Variants in CARD14 observed in about 807,000 individuals in gnomAD.
CARD14 encodes the protein caspase recruitment domain family member 14, also known as caspase recruitment domain-containing protein 14.
Under a neutral mutation model 111.5 loss-of-function variants are expected in CARD14, and 107 were observed. The ratio of observed to expected loss-of-function variants is 0.96; its 90% CI spans 0.82 to 1.13. CARD14 has a LOEUF of 1.13. Among genes scored for constraint, CARD14 ranks in the 50% most tolerant of loss-of-function variants. CARD14 has a pLI of 0.00. For missense variants in CARD14, 1,322 were observed against 1,362.3 expected, an observed-to-expected ratio of 0.97 and a Z score of 0.47; for synonymous variants, 617 against 579.6, an observed-to-expected ratio of 1.06 and a Z score of -0.93.
intron 23 of CARD14, 79 bp downstream of exon 23, chr17:80,207,164 G>C: frequency 9.9e-7 from 1 of 1,007,844 alleles, no homozygotes; most frequent in East Asian, 2.5e-5. Context: ...GGTGCCTCTG[G>C]AGTGTGCTCT....
At chr17:80,172,752 C>T (rs1280207772) in intron 1 of CARD14, among the ~76,000 whole-genome samples, 154 bp from the exon 2 acceptor site, 3 of 152,110 alleles carry the variant, frequency 2.0e-5, no homozygotes, top group Non-Finnish European at 4.4e-5. Flanking sequence ...TGTTCTGTGG[C>T]GAACACTTCT....
In CARD14 at chr17:80,182,413, G is replaced by A. The variant is rs573756624; in HGVS notation, c.212-240G>A. On this transcript the variant is annotated intron_variant, in intron 5 of 23. Transcript: ENST00000648509. This position sits in a 1 kb window ranked among gnomAD's most constrained non-coding sequence, Gnocchi z 4.7. ...AGCACTGGGGTTGCAGTAGTTGCTC[G>A]ATACATGCCAGCTTTGCCCTTCTCG... 1.3e-5 allele frequency among the ~76,000 whole-genome samples: 2 copies of A among 152,336 alleles called. No individual in the cohort carries two copies. Among genetic ancestry groups the A allele is most frequent in the African/African-American group, 2.4e-5 (1 of 41,576 alleles).
In CARD14 at chr17:80,191,114, T is replaced by C. The variant is rs543409678; in HGVS notation, c.1090-209T>C. Among the ~76,000 whole-genome samples the C allele has an allele frequency of 3.3e-5, 5 of 152,350 alleles. No homozygotes were observed. The East Asian group carries it at 5.8e-4, about 18-fold the overall frequency. On this transcript the variant is annotated intron_variant, in intron 10 of 23. Transcript: ENST00000648509. ...CCTTCTTGCTCTTATTCCTGGTACA[T>C]GACACTGAGAAAGTACACCCCAAAT...
rs945165845 is a variant in CARD14 at position 80,188,829 on chromosome 17, T to A, written c.843+285T>A. The A allele has an allele frequency of 4.7e-6, 1 of 212,302 alleles. No individual in the cohort carries two copies. Among genetic ancestry groups the A allele is most frequent in the African/African-American group, 2.3e-5 (1 of 43,556 alleles). 13.2% of individuals were successfully genotyped at this position (212,302 alleles called of 1,614,324 possible). ...ACTTGGGAGGCCAAGATGGGCAAGA[T>A]AGCTTGAGCTCAGGAGTTCAAGACC... On this transcript the variant is annotated intron_variant, in intron 8 of 23. Transcript: ENST00000648509. The surrounding 1 kb of genome is among the most constrained non-coding windows in gnomAD (Gnocchi z 4.5).
At position 80,201,599 on chromosome 17, in the gene CARD14, G is replaced by A. The variant is rs1417884363; in HGVS notation, c.1852-145G>A. On this transcript the variant is annotated intron_variant, in intron 16 of 23. Transcript: ENST00000648509. This position sits in a 1 kb window ranked among gnomAD's most constrained non-coding sequence, Gnocchi z 5.0. ...AGGCCCCACAGAGGCTCTGGTGTGTGGCTTTGTTTTGACCAAGGCGTGCAG... is the reference window on the plus strand; with the variant it reads ...AGGCCCCACAGAGGCTCTGGTGTGTAGCTTTGTTTTGACCAAGGCGTGCAG... The A allele has an allele frequency of 3.8e-6, 3 of 790,550 alleles. No individual in the cohort carries two copies. In the Admixed American group the frequency reaches 5.5e-5, roughly 15 times the overall value. The allele number at this position is 790,550 out of a possible 1,614,324, so 49.0% of individuals were successfully genotyped here.
chr17:80,195,293 C>T lies in CARD14; in HGVS notation c.1459C>T (p.Arg487Trp), dbSNP rs1442746103. 8 of 1,612,886 alleles carry T rather than the reference C, an allele frequency of 5.0e-6. No individual in the cohort carries two copies. Among genetic ancestry groups the T allele is most frequent in the Admixed American group, 3.3e-5 (2 of 59,992 alleles). Reference sequence around the variant, plus strand: ...CCCCAGCCAGCAGTCCCTGTACAAGCGGGTGGCCGAGGACTTCGGGGAAGA... The same window carrying T: ...CCCCAGCCAGCAGTCCCTGTACAAGTGGGTGGCCGAGGACTTCGGGGAAGA... ...APPSQQSLYK[R>W]VAEDFGEEPW... is the part of the protein sequence containing the mutation. The change falls in exon 13 of 24, where the codon CGG (arginine) becomes TGG (tryptophan). Residue 487 changes from arginine to tryptophan, a missense_variant. By Grantham distance (101) the Arg-to-Trp change is moderately radical (BLOSUM62 -3). Transcript: ENST00000648509. This position sits in a 1 kb window ranked among gnomAD's most constrained non-coding sequence, Gnocchi z 4.7.
Position 80,198,486 on chromosome 17 carries a change from G to C in CARD14, c.1746G>C (p.Gln582His), listed in dbSNP as rs1188075853. 6.2e-7 allele frequency: 1 copy of C among 1,613,632 alleles called. No individual in the cohort carries two copies. Residue 582 changes from glutamine (Q) to histidine (H), a missense_variant, in exon 16 of 24, where the codon CAG (glutamine) becomes CAC (histidine). Coordinates refer to ENST00000648509, the MANE Select transcript of CARD14 (RefSeq NM_001366385.1). This position sits in a 1 kb window ranked among gnomAD's most constrained non-coding sequence, Gnocchi z 7.5. ...LAFQGDALLE[Q>H]ISVIGGNLTG... ...TCCAGGGGGATGCATTGCTGGAGCA[G>C]ATCAGCGTCATCGGCGGGAACCTCA...
At chr17:80,191,061 C>T (rs1334946924) in intron 10 of CARD14, among the ~76,000 whole-genome samples, 162 bp downstream of exon 10, 2 of 152,220 alleles carry the variant, frequency 1.3e-5, no homozygotes, top group African/African-American at 2.4e-5. Context: ...CTCCTCCAGG[C>T]CTGTTGTCCA....
intron 14 of CARD14, chr17:80,197,102 C>G (rs1256930142): frequency 6.6e-6 from 1 of 152,458 alleles, no homozygotes; most frequent in African/African-American, 2.4e-5. Context: ...GAGGCTGAGG[C>G]AGGAGAATCA....
chr17:80,204,202 C>A, intron 19 of CARD14, 25 bp from the exon 20 acceptor site: 1 of 1,565,696 alleles, frequency 6.4e-7, no homozygotes. Flanking sequence ...AGCTCCTCCT[C>A]ATCCTTTCTC....
At chr17:80,170,129 C>T (rs1007364906) in intron 1 of CARD14, 73 bp downstream of exon 1, 2 of 134,724 alleles carry the variant, frequency 1.5e-5, no homozygotes, top group African/African-American at 5.2e-5. Flanking sequence ...GGGGCTCAGC[C>T]GACACAGGTC....
rs1019950485 is a variant in CARD14, at chr17:80,203,131, G to C, written c.2220-691G>C. The C allele has an allele frequency of 2.0e-5, 3 of 152,142 alleles. No homozygotes were observed. The highest frequency in any genetic ancestry group is 7.2e-5 in the African/African-American group (3 of 41,380). 9.4% of individuals were successfully genotyped at this position (152,142 alleles called of 1,614,324 possible). A position where few individuals can be genotyped will look rare whatever the true frequency, so the allele number is the denominator to read the frequency against. ...AAAAATACAAAAAACTTAGCTGGGC[G>C]TGGTGGCAGGTGCCTGTAATCCCAG... On this transcript the variant is annotated intron_variant, in intron 18 of 23. Coordinates refer to ENST00000648509, the MANE Select transcript of CARD14 (RefSeq NM_001366385.1). This position sits in a 1 kb window ranked among gnomAD's most constrained non-coding sequence, Gnocchi z 4.6.
chr17:80,195,655 G>A lies in CARD14; in HGVS notation c.1594+3G>A, dbSNP rs376448110. The A allele has an allele frequency of 6.2e-7, 1 of 1,610,204 alleles. No homozygotes were observed. The highest frequency in any genetic ancestry group is 1.3e-5 in the African/African-American group (1 of 74,882). ...TTATGAGCTCCTAGACACGGCAGGT[G>A]AGCACGCCCAACCCTGAACCTCCAC... On this transcript the variant is annotated splice_donor_region_variant and intron_variant, in intron 14 of 23. Coordinates refer to ENST00000648509, the MANE Select transcript of CARD14 (RefSeq NM_001366385.1). This position sits in a 1 kb window ranked among gnomAD's most constrained non-coding sequence, Gnocchi z 4.7.
intron 11 of CARD14, 162 bp from the exon 12 acceptor site, chr17:80,192,341 G>A: frequency 1.6e-6 from 1 of 608,348 alleles, no homozygotes; most frequent in South Asian, 2.3e-5. Context: ...GTGATCCTGT[G>A]ATGGGCTCGG....
Position 80,198,141 on chromosome 17 carries a change from G to C in CARD14, c.1637G>C (p.Gly546Ala). Residue 546 changes from glycine to alanine, a missense_variant, in exon 15 of 24, where the codon GGA (glycine) becomes GCA (alanine). Coordinates refer to ENST00000648509, the MANE Select transcript of CARD14 (RefSeq NM_001366385.1). The surrounding 1 kb of genome is among the most constrained non-coding windows in gnomAD (Gnocchi z 7.5). ...LESSLQPVSP[G>A]RLDVSESGVL... The stretch of plus-strand genomic sequence containing the variant: ...AGCAGCCTGCAGCCAGTCTCCCCTG[G>C]AAGGCTTGATGTCTCGGAGAGGTAA... 1.9e-6 allele frequency: 3 copies of C among 1,613,916 alleles called. No individual in the cohort carries two copies. Among genetic ancestry groups the C allele is most frequent in the African/African-American group, 2.7e-5 (2 of 75,046 alleles).
intron 21 of CARD14, 150 bp downstream of exon 21, chr17:80,205,355 G>T: frequency 8.6e-7 from 1 of 1,161,064 alleles, no homozygotes. Flanking sequence ...GATAGTTCAG[G>T]ATGGAGGTGC....
In CARD14 at chr17:80,206,823, C is replaced by T. The variant is rs116354481; in HGVS notation, c.2692-147C>T. ...GAGAAGAAAGTGGCAAGCTCTATTC[C>T]CTCATCTCCTCTACAAAATTCAGCT... On this transcript the variant is annotated intron_variant, in intron 22 of 23. Transcript: ENST00000648509. 790 of 457,236 alleles carry T rather than the reference C, an allele frequency of 1.7e-3. 4 individuals carry two copies. Among genetic ancestry groups the T allele is most frequent in the African/African-American group, 0.014 (696 of 49,280 alleles). The allele number at this position is 457,236 out of a possible 1,614,324, so 28.3% of individuals were successfully genotyped here.
rs549404117 is a variant in CARD14, at chr17:80,208,123, C to A, written c.2808-15C>A. On this transcript the variant is annotated splice_polypyrimidine_tract_variant and intron_variant, in intron 23 of 23. Coordinates refer to ENST00000648509, the MANE Select transcript of CARD14 (RefSeq NM_001366385.1). Reference sequence around the variant, plus strand: ...TCTCCCCTGAGCCCGCCCCCCCCAACTCTGGCCTGTGCAGGAAGGGCCTAC... The same window carrying A: ...TCTCCCCTGAGCCCGCCCCCCCCAAATCTGGCCTGTGCAGGAAGGGCCTAC... 41 of 1,499,404 alleles carry A rather than the reference C, an allele frequency of 2.7e-5. 1 individual carries two copies. Among genetic ancestry groups the A allele is most frequent in the African/African-American group, 2.6e-4 (19 of 72,142 alleles). 92.9% of individuals were successfully genotyped at this position (1,499,404 alleles called of 1,614,324 possible). A position where few individuals can be genotyped will look rare whatever the true frequency, so the allele number is the denominator to read the frequency against.
At position 80,181,654 on chromosome 17, in the gene CARD14, G is replaced by A. The variant is rs979943482; in HGVS notation, c.211+5G>A. 3.2e-6 allele frequency: 5 copies of A among 1,539,328 alleles called. No individual in the cohort carries two copies. Among genetic ancestry groups the A allele is most frequent in the African/African-American group, 1.4e-5 (1 of 72,912 alleles). ...CCAACAGCGCCATGCGGGCCGGTGA[G>A]CGCAGCTCCCTCTTCCCCACCTCTT... is the stretch of plus-strand genomic sequence containing the variant. On this transcript the variant is annotated splice_donor_5th_base_variant and intron_variant, in intron 5 of 23. Coordinates refer to ENST00000648509, the MANE Select transcript of CARD14 (RefSeq NM_001366385.1).
Sources: gnomAD v4.1 joint callset for allele counts (sites outside exome capture counted in the v4.1 genomes callset) on GRCh38, gnomAD v4.1.1 for gene constraint, Gnocchi (gnomAD v3.1) non-coding constraint, MANE v1.5 for transcripts, NCBI Gene and HGNC (gene_info 2026-07-23, HGNC 2026-07-21) for gene names.